The following STAU2 variants were observed in gnomAD, a reference collection of about 807,000 sequenced individuals.
STAU2 encodes double-stranded RNA-binding protein Staufen homolog 2.
A neutral mutation model predicts 65.9 loss-of-function variants in STAU2; 20 were observed. The ratio of observed to expected loss-of-function variants is 0.30; its 90% confidence interval spans 0.21 to 0.44. The LOEUF (loss-of-function observed/expected upper bound fraction) is 0.44. Among genes scored for constraint, STAU2 ranks in the 20% least tolerant of loss-of-function variants. The pLI, the probability that STAU2 is intolerant of heterozygous loss-of-function variation, is 1.00. For synonymous variants in STAU2, 232 were observed against 233.9 expected (o/e 0.99, Z 0.07); for missense variants, 558 against 683.9 (o/e 0.82, Z 2.05).
At chr8:73,556,711 C>T (rs1807801610) in intron 12 of STAU2, among the ~76,000 whole-genome samples, 2 of 152,110 alleles carry the variant, frequency 1.3e-5, no homozygotes. Context: ...GAGCCAAGAT[C>T]ACGCCACTGC....
At chr8:73,516,312 A>T (rs1430143079) in intron 13 of STAU2, among the ~76,000 whole-genome samples, 2 of 151,232 alleles carry the variant, frequency 1.3e-5, no homozygotes. Flanking sequence ...TCACTGTTTC[A>T]TCTATGGAGG....
chr8:73,570,268 A>G (rs1808950824), intron 12 of STAU2, among the ~76,000 whole-genome samples: 1 of 152,226 alleles, frequency 6.6e-6, no homozygotes, highest in Non-Finnish European at 1.5e-5. Context: ...AGAAAAAAAG[A>G]GTAAAAAGAA....
intron 13 of STAU2, among the ~76,000 whole-genome samples, chr8:73,524,657 CTG>C (rs2128930042): frequency 6.6e-6 from 1 of 152,224 alleles, no homozygotes; most frequent in Admixed American, 6.5e-5. Flanking sequence ...TAAGAACAAC[CTG>C]TGTTTCATAA....
At position 73,604,118 on chromosome 8, in the gene STAU2, G is replaced by C. The variant is rs566996534; in HGVS notation, c.892-255C>G. ...CTTTTTAAATTGGGCACACTCTTCA[G>C]TATACCAGAGGTGCTTCACAACTTC... is the stretch of plus-strand genomic sequence containing the variant. On this transcript the variant is annotated intron_variant, in intron 9 of 14. Transcript: ENST00000524300. Among the ~76,000 whole-genome samples, 128 of 152,290 alleles carry C rather than the reference G, an allele frequency of 8.4e-4. 1 individual carries two copies. The highest frequency in any genetic ancestry group is 2.5e-3 in the Admixed American group (38 of 15,298).
chr8:73,600,270 T>A (rs1489311570), intron 10 of STAU2, among the ~76,000 whole-genome samples: 1 of 152,246 alleles, frequency 6.6e-6, no homozygotes, highest in Non-Finnish European at 1.5e-5. Context: ...TGAAAACATA[T>A]TCATTACAGA....
intron 10 of STAU2, among the ~76,000 whole-genome samples, chr8:73,603,078 A>G (rs997807544): frequency 1.3e-5 from 2 of 152,218 alleles, no homozygotes; most frequent in Non-Finnish European, 2.9e-5. Flanking sequence ...AAATTGTAAT[A>G]AAAAAGTAAA....
intron 3 of STAU2, among the ~76,000 whole-genome samples, chr8:73,719,823 A>G (rs916489492): frequency 6.6e-5 from 10 of 152,190 alleles, no homozygotes; most frequent in African/African-American, 2.4e-4. Flanking sequence ...TGCTGGCATC[A>G]TGAGCCTTGT....
chr8:73,499,356 G>A (rs1230808532), intron 13 of STAU2, among the ~76,000 whole-genome samples: 1 of 151,848 alleles, frequency 6.6e-6, no homozygotes, highest in Non-Finnish European at 1.5e-5. Context: ...ATACTTGAAA[G>A]TGGATAGGAC....
rs187320051 is a variant in STAU2, at chr8:73,523,575, T to A, written c.1530+28437A>T. Among the ~76,000 whole-genome samples, 17 of 152,264 alleles carry A rather than the reference T, an allele frequency of 1.1e-4. No individual in the cohort carries two copies. In the East Asian group the frequency reaches 3.3e-3, roughly 29 times the overall value. On this transcript the variant is annotated intron_variant, in intron 13 of 14. Coordinates refer to ENST00000524300, the MANE Select transcript of STAU2 (RefSeq NM_001164380.2). ...CTCCCAAAACTCCCTCATGATACTT[T>A]GTAGTTAATCCCTCTCCATACCCCC...
chr8:73,647,930 C>T (rs1286130865), intron 6 of STAU2, among the ~76,000 whole-genome samples: 1 of 152,050 alleles, frequency 6.6e-6, no homozygotes, highest in Non-Finnish European at 1.5e-5. Context: ...CTACATGTGA[C>T]AAAATGAAAC....
At chr8:73,613,574 T>C (rs1347851238) in intron 9 of STAU2, among the ~76,000 whole-genome samples, 170 bp downstream of exon 9, 1 of 152,294 alleles carries the variant, frequency 6.6e-6, no homozygotes, top group East Asian at 1.9e-4. Context: ...CACAGGTATT[T>C]AAAAAGCAAA....
At chr8:73,456,696 T>G (rs1331609050) in intron 13 of STAU2, among the ~76,000 whole-genome samples, 1 of 152,198 alleles carries the variant, frequency 6.6e-6, no homozygotes, top group Non-Finnish European at 1.5e-5. Flanking sequence ...CGTTCCTATG[T>G]GGGTTACTGG....
intron 9 of STAU2, among the ~76,000 whole-genome samples, chr8:73,607,576 ACATAC>A: frequency 6.6e-6 from 1 of 151,846 alleles, no homozygotes; most frequent in East Asian, 1.9e-4. Context: ...CTAAAAAAAA[ACATAC>A]AAAAAATTAG....
chr8:73,597,610 C>G (rs1371375881), intron 10 of STAU2, among the ~76,000 whole-genome samples: 1 of 132,580 alleles, frequency 7.5e-6, no homozygotes, highest in Non-Finnish European at 1.5e-5. Context: ...AAAGAGGCTG[C>G]AGTGAGCCGA....
At chr8:73,653,968 G>A (rs1816103762) in intron 6 of STAU2, 2 of 360,146 alleles carry the variant, frequency 5.6e-6, no homozygotes, top group Non-Finnish European at 1.1e-5. Context: ...AAGTTCTAAT[G>A]TGGTTAGGAA....
chr8:73,471,522 T>TA (rs373805321), intron 13 of STAU2, among the ~76,000 whole-genome samples: 56,051 of 136,198 alleles, frequency 0.41, 11,903 homozygotes, highest in South Asian at 0.58. Context: ...CTTCTGTAAT[T>TA]AAAAAAAAAA....
chr8:73,532,614 C>T (rs1325213226), intron 13 of STAU2, among the ~76,000 whole-genome samples: 1 of 152,060 alleles, frequency 6.6e-6, no homozygotes, highest in Non-Finnish European at 1.5e-5. Flanking sequence ...AGTGACAGAG[C>T]GAGACCCTGT....
chr8:73,608,807 T>C (rs1375700141), intron 9 of STAU2, among the ~76,000 whole-genome samples: 3 of 151,760 alleles, frequency 2.0e-5, no homozygotes, highest in Non-Finnish European at 2.9e-5. Context: ...CTGGCCGACA[T>C]GGTGAAACCC....
intron 11 of STAU2, among the ~76,000 whole-genome samples, chr8:73,589,135 T>C (rs920342188): frequency 4.6e-5 from 7 of 152,150 alleles, no homozygotes; most frequent in African/African-American, 1.2e-4. Flanking sequence ...CATATCACTA[T>C]TGAAGGAATT....
Sources: allele counts gnomAD v4.1 joint callset (sites outside exome capture counted in the v4.1 genomes callset), GRCh38; gene constraint gnomAD v4.1.1; transcripts MANE v1.5; gene names NCBI Gene and HGNC (gene_info 2026-07-23, HGNC 2026-07-21).